TNFSF13B: variants seen among roughly 807,000 people sequenced by gnomAD.
TNFSF13B encodes tumor necrosis factor ligand superfamily member 13B.
A neutral mutation model predicts 29.1 loss-of-function variants in TNFSF13B; 8 were observed. The observed-to-expected ratio is 0.27, with a 90% CI of 0.16 to 0.50. The LOEUF (loss-of-function observed/expected upper bound fraction) is 0.50, where lower values mean the gene tolerates loss of function less well. Ranked by LOEUF, TNFSF13B falls within the 20% of genes least tolerant of loss-of-function variation. The pLI, the probability that TNFSF13B is intolerant of heterozygous loss-of-function variation, is 0.98. For synonymous variants in TNFSF13B, 125 were observed against 130.8 expected (o/e 0.96, Z 0.30); for missense variants, 248 against 334.9 (o/e 0.74, Z 2.03).
intron 3 of TNFSF13B, among the ~76,000 whole-genome samples, chr13:108,297,778 A>T (rs1366862389): frequency 6.9e-6 from 1 of 145,908 alleles, no homozygotes; most frequent in Non-Finnish European, 1.5e-5. Context: ...CACCAGAGTG[A>T]TACATTTGTT....
chr13:108,307,016 CAAAAAAAAAAAAA>C lies in TNFSF13B; in HGVS notation c.*97_*109del, dbSNP rs58093140. 12,982 of 76,718 alleles carry C rather than the reference CAAAAAAAAAAAAA, an allele frequency of 0.17. 434 individuals carry two copies. The highest frequency in any genetic ancestry group is 0.43 in the East Asian group (1,956 of 4,592). The allele number at this position is 76,718 out of a possible 1,614,324, so 4.8% of individuals were successfully genotyped here. ...GAAGAAAGAATCTAACTGAAAATAC[CAAAAAAAAAAAAA>C]AAAAAAAAAAAAAAAAAAGTAGTTA... is the stretch of plus-strand genomic sequence containing the variant. On this transcript the variant is annotated 3_prime_UTR_variant, in exon 6 of 6. Coordinates refer to ENST00000375887, the MANE Select transcript of TNFSF13B (RefSeq NM_006573.5).
chr13:108,286,193 G>A (rs1392630280), intron 2 of TNFSF13B, among the ~76,000 whole-genome samples: 1 of 152,120 alleles, frequency 6.6e-6, no homozygotes, highest in Non-Finnish European at 1.5e-5. Flanking sequence ...TGAAATTCTG[G>A]TCCCATCACT....
rs1881799636 is a variant in TNFSF13B at position 108,307,096 on chromosome 13, A to G, written c.*158A>G. 2.5e-5 allele frequency: 14 copies of G among 557,392 alleles called. No homozygotes were observed. Among genetic ancestry groups the G allele is most frequent in the Non-Finnish European group, 3.7e-5 (12 of 325,446 alleles). 34.5% of individuals were successfully genotyped at this position (557,392 alleles called of 1,614,324 possible). A position where few individuals can be genotyped will look rare whatever the true frequency, so the allele number is the denominator to read the frequency against. Reference sequence around the variant, plus strand: ...GAGCTATTTGTTTTGGTTTGCTGAAACTAGTCCAAAACAGGAAATTTAACA... The same window carrying G: ...GAGCTATTTGTTTTGGTTTGCTGAAGCTAGTCCAAAACAGGAAATTTAACA... On this transcript the variant is annotated 3_prime_UTR_variant, in exon 6 of 6. Transcript: ENST00000375887.
At chr13:108,279,633 G>A (rs1184975389) in intron 2 of TNFSF13B, among the ~76,000 whole-genome samples, 1 of 152,172 alleles carries the variant, frequency 6.6e-6, no homozygotes, top group East Asian at 1.9e-4. Flanking sequence ...TGAGTGAATT[G>A]TAAGCATTAG....
chr13:108,283,183 TG>T (rs1357472545), intron 2 of TNFSF13B, among the ~76,000 whole-genome samples: 1 of 152,230 alleles, frequency 6.6e-6, no homozygotes, highest in Admixed American at 6.5e-5. Flanking sequence ...GGAGATAAGT[TG>T]AAATAGCTGA....
intron 2 of TNFSF13B, among the ~76,000 whole-genome samples, chr13:108,279,788 A>C (rs573731850): frequency 6.6e-6 from 1 of 152,244 alleles, no homozygotes; most frequent in South Asian, 2.1e-4. Context: ...TTAGGCTGCT[A>C]TGCTCCTCAT....
chr13:108,271,829 C>G (rs1247263811), intron 2 of TNFSF13B, among the ~76,000 whole-genome samples: 1 of 151,938 alleles, frequency 6.6e-6, no homozygotes, highest in African/African-American at 2.4e-5. Flanking sequence ...ATTAATTTAT[C>G]TAACAATTGT....
rs150727617 is a variant in TNFSF13B at position 108,298,102 on chromosome 13, G to A, written c.482-5151G>A. The stretch of plus-strand genomic sequence containing the variant: ...TTTTTATTTTCACTTCTTTTTTTTA[G>A]TAATAGCAATTTAAGTTTCCTTCAT... On this transcript the variant is annotated intron_variant, in intron 3 of 5. Coordinates refer to ENST00000375887, the MANE Select transcript of TNFSF13B (RefSeq NM_006573.5). 7.0e-4 allele frequency among the ~76,000 whole-genome samples: 101 copies of A among 144,650 alleles called. 4 individuals carry two copies. The East Asian group carries it at 0.018, about 26-fold the overall frequency. The allele number at this position is 144,650 out of a possible 152,430, so 94.9% of individuals were successfully genotyped here. A position where few individuals can be genotyped will look rare whatever the true frequency, so the allele number is the denominator to read the frequency against.
At chr13:108,299,484 CT>C (rs371085785) in intron 3 of TNFSF13B, among the ~76,000 whole-genome samples, 45 of 117,688 alleles carry the variant, frequency 3.8e-4, no homozygotes, top group Middle Eastern at 4.6e-3. Flanking sequence ...TTCCAAAATA[CT>C]TTTTTTTTTG....
At chr13:108,285,940 T>C (rs1289267112) in intron 2 of TNFSF13B, among the ~76,000 whole-genome samples, 1 of 152,276 alleles carries the variant, frequency 6.6e-6, no homozygotes, top group East Asian at 1.9e-4. Context: ...TTAATTTGCT[T>C]TTGCCTAAAG....
At chr13:108,273,775 C>G (rs1443900374) in intron 2 of TNFSF13B, among the ~76,000 whole-genome samples, 1 of 152,070 alleles carries the variant, frequency 6.6e-6, no homozygotes, top group Non-Finnish European at 1.5e-5. Flanking sequence ...ACCATGAGAC[C>G]TATAGAAAAT....
intron 2 of TNFSF13B, among the ~76,000 whole-genome samples, chr13:108,283,485 A>G (rs1881021691): frequency 6.6e-6 from 1 of 152,224 alleles, no homozygotes; most frequent in Non-Finnish European, 1.5e-5. Flanking sequence ...CTACTACATG[A>G]GAGAATAGAC....
chr13:108,302,785 T>C, intron 3 of TNFSF13B: 1 of 985,504 alleles, frequency 1.0e-6, no homozygotes, highest in Non-Finnish European at 1.2e-6. Flanking sequence ...GGCTCCCTTC[T>C]GTTGCCACAT....
intron 2 of TNFSF13B, among the ~76,000 whole-genome samples, chr13:108,280,166 T>A (rs1880895135): frequency 6.6e-6 from 1 of 151,302 alleles, no homozygotes; most frequent in South Asian, 2.1e-4. Context: ...AGATGGAATC[T>A]AAATTGAAAA....
intron 2 of TNFSF13B, among the ~76,000 whole-genome samples, chr13:108,281,181 C>T (rs985838578): frequency 2.0e-5 from 3 of 151,874 alleles, no homozygotes; most frequent in African/African-American, 7.3e-5. Flanking sequence ...GCCGAGTTTG[C>T]AATGAGCCAA....
intron 3 of TNFSF13B, 64 bp from the exon 4 acceptor site, chr13:108,303,189 C>T (rs746963306): frequency 1.3e-4 from 132 of 1,044,380 alleles, no homozygotes; most frequent in Non-Finnish European, 1.8e-4. Flanking sequence ...AGCTTAACAA[C>T]TAAATGGAGG....
intron 3 of TNFSF13B, among the ~76,000 whole-genome samples, chr13:108,301,040 G>T (rs1172380218): frequency 6.6e-6 from 1 of 152,120 alleles, no homozygotes; most frequent in African/African-American, 2.4e-5. Flanking sequence ...TTACTCCTTA[G>T]AAACAATCAG....
chr13:108,278,835 C>A (rs1364545530), intron 2 of TNFSF13B, among the ~76,000 whole-genome samples: 1 of 151,968 alleles, frequency 6.6e-6, no homozygotes, highest in Non-Finnish European at 1.5e-5. Flanking sequence ...AGGCCTTTTT[C>A]TCTTCTATCT....
intron 2 of TNFSF13B, among the ~76,000 whole-genome samples, chr13:108,276,958 T>C (rs1880779528): frequency 6.6e-6 from 1 of 152,208 alleles, no homozygotes; most frequent in Non-Finnish European, 1.5e-5. Flanking sequence ...TGATATTTTT[T>C]TTTTAAAAGA....
Sources: allele counts gnomAD v4.1 joint callset (sites outside exome capture counted in the v4.1 genomes callset), GRCh38; gene constraint gnomAD v4.1.1; transcripts MANE v1.5; gene names NCBI Gene and HGNC (gene_info 2026-07-23, HGNC 2026-07-21).